F13A1: variants seen among roughly 807,000 people sequenced by gnomAD.
F13A1 encodes coagulation factor XIII A chain, also known as FSF, A subunit.
A neutral mutation model predicts 80.1 loss-of-function variants in F13A1; 47 were observed. The observed-to-expected ratio is 0.59, with a 90% CI of 0.46 to 0.75. The LOEUF (loss-of-function observed/expected upper bound fraction) is 0.75. Ranked by LOEUF, F13A1 falls within the 30% of genes least tolerant of loss-of-function variation. The probability of loss-of-function intolerance (pLI) is 0.00; values close to 1 mark genes in which losing one functional copy is unlikely to be tolerated. For missense variants in F13A1, 817 were observed against 930.4 expected, an observed-to-expected ratio of 0.88 and a Z score of 1.59; for synonymous variants, 349 against 344.9, an observed-to-expected ratio of 1.01 and a Z score of -0.13.
At chr6:6,291,252 T>A (rs575847010) in intron 3 of F13A1, among the ~76,000 whole-genome samples, 1 of 152,076 alleles carries the variant, frequency 6.6e-6, no homozygotes, top group East Asian at 1.9e-4. Flanking sequence ...CCCTCACCCG[T>A]GCCCCTGTCC....
intron 6 of F13A1, among the ~76,000 whole-genome samples, chr6:6,230,483 C>T (rs76282807): frequency 0.013 from 1,978 of 152,240 alleles, 50 homozygotes; most frequent in African/African-American, 0.045. Context: ...AGCCCAGCCC[C>T]CAGTTGATGG....
intron 6 of F13A1, among the ~76,000 whole-genome samples, chr6:6,247,434 C>T (rs1757568305): frequency 6.6e-6 from 1 of 152,110 alleles, no homozygotes; most frequent in Non-Finnish European, 1.5e-5. Context: ...ATAATCTACT[C>T]TTCAGCCAGA....
At chr6:6,185,282 C>G (rs1415040311) in intron 10 of F13A1, among the ~76,000 whole-genome samples, 1 of 110,472 alleles carries the variant, frequency 9.1e-6, no homozygotes, top group African/African-American at 3.5e-5. Context: ...CCTCCCCCCT[C>G]CCCCCACCCC....
chr6:6,262,700 C>G (rs77073009), intron 4 of F13A1, among the ~76,000 whole-genome samples: 8 of 149,486 alleles, frequency 5.4e-5, no homozygotes, highest in African/African-American at 2.0e-4. Context: ...TTGCTTTACA[C>G]TTCACTGACA....
chr6:6,313,741 A>T (rs896668505), intron 2 of F13A1, among the ~76,000 whole-genome samples: 7 of 152,196 alleles, frequency 4.6e-5, no homozygotes, highest in Non-Finnish European at 8.8e-5. Context: ...CCAGAATTTT[A>T]ACATGTCCTT....
intron 8 of F13A1, among the ~76,000 whole-genome samples, chr6:6,204,381 T>C (rs747296548): frequency 1.3e-5 from 2 of 152,232 alleles, no homozygotes; most frequent in Non-Finnish European, 2.9e-5. Flanking sequence ...CAACTTCAAC[T>C]GTAAACCAAG....
chr6:6,259,401 T>C (rs966204906), intron 4 of F13A1, among the ~76,000 whole-genome samples: 13 of 152,252 alleles, frequency 8.5e-5, no homozygotes, highest in African/African-American at 3.1e-4. Flanking sequence ...TTTATTTATT[T>C]GCTGTTAAAA....
chr6:6,199,272 G>A lies in F13A1; in HGVS notation c.1113-1946C>T, dbSNP rs62408013. Among the ~76,000 whole-genome samples the A allele has an allele frequency of 3.0e-4, 46 of 152,204 alleles. 2 individuals carry two copies. The highest frequency in any genetic ancestry group is 1.6e-3 in the Admixed American group (25 of 15,276). Reference sequence around the variant, plus strand: ...TGGGAGGCCGAGGCGGGCAGATCACGAGGTCAGGAGATCGAGACCATCCTG... The same window carrying A: ...TGGGAGGCCGAGGCGGGCAGATCACAAGGTCAGGAGATCGAGACCATCCTG... On this transcript the variant is annotated intron_variant, in intron 8 of 14. Coordinates refer to ENST00000264870, the MANE Select transcript of F13A1 (RefSeq NM_000129.4).
intron 3 of F13A1, among the ~76,000 whole-genome samples, chr6:6,288,315 C>G (rs892269599): frequency 1.1e-4 from 16 of 152,196 alleles, no homozygotes; most frequent in Non-Finnish European, 2.9e-5. Context: ...TCAACATCTT[C>G]TTTTTCCTCA....
At chr6:6,160,867 T>A (rs547404286) in intron 13 of F13A1, among the ~76,000 whole-genome samples, 2 of 147,396 alleles carry the variant, frequency 1.4e-5, no homozygotes, top group South Asian at 4.3e-4. Flanking sequence ...TTTTTTTTTT[T>A]GAAAAATTTG....
chr6:6,213,052 A>C (rs1347031683), intron 8 of F13A1, among the ~76,000 whole-genome samples: 1 of 152,240 alleles, frequency 6.6e-6, no homozygotes, highest in Non-Finnish European at 1.5e-5. Context: ...TCTACGTCTG[A>C]TTGGTGTACC....
At chr6:6,308,172 G>A (rs1674076) in intron 2 of F13A1, among the ~76,000 whole-genome samples, 51,413 of 151,658 alleles carry the variant, frequency 0.34, 8,870 homozygotes, top group East Asian at 0.5. Flanking sequence ...TCACCACCAT[G>A]CCCCGCTAAT....
At chr6:6,167,346 T>TTTG in intron 13 of F13A1, 112 bp downstream of exon 13, 1 of 824,360 alleles carries the variant, frequency 1.2e-6, no homozygotes, top group East Asian at 3.2e-5. Context: ...TTTTTTTTTT[T>TTTG]GAGCAGGACA....
At chr6:6,295,876 T>A (rs1237548334) in intron 3 of F13A1, among the ~76,000 whole-genome samples, 9 of 139,964 alleles carry the variant, frequency 6.4e-5, no homozygotes, top group African/African-American at 2.2e-4. Context: ...TTTATGGTTT[T>A]AGGTCTAACG....
chr6:6,244,664 C>T (rs964609056), intron 6 of F13A1, among the ~76,000 whole-genome samples: 3 of 152,160 alleles, frequency 2.0e-5, no homozygotes, highest in Non-Finnish European at 4.4e-5. Context: ...AGGGAGAGCA[C>T]TATTTTGAAG....
At chr6:6,320,510 G>A (rs1758760429) in intron 1 of F13A1, 77 bp downstream of exon 1, 66 of 377,680 alleles carry the variant, frequency 1.7e-4, no homozygotes, top group South Asian at 1.3e-3. Flanking sequence ...GCCGCTTGCT[G>A]GTTCAACCAG....
chr6:6,190,795 G>A (rs1761175265), intron 10 of F13A1, among the ~76,000 whole-genome samples: 1 of 152,152 alleles, frequency 6.6e-6, no homozygotes, highest in Non-Finnish European at 1.5e-5. Context: ...AAGCAAGCCT[G>A]GGCAATGGTG....
At chr6:6,315,191 G>A (rs887437921) in intron 2 of F13A1, among the ~76,000 whole-genome samples, 3 of 152,244 alleles carry the variant, frequency 2.0e-5, no homozygotes, top group Non-Finnish European at 4.4e-5. Flanking sequence ...TACATTTCCA[G>A]CTACACATAA....
At chr6:6,260,598 G>A (rs531664313) in intron 4 of F13A1, among the ~76,000 whole-genome samples, 5 of 152,262 alleles carry the variant, frequency 3.3e-5, no homozygotes, top group South Asian at 4.1e-4. Context: ...GTGTGTGTTG[G>A]GGGGAGCGGT....
Sources: gnomAD v4.1 joint callset for allele counts (sites outside exome capture counted in the v4.1 genomes callset) on GRCh38, gnomAD v4.1.1 for gene constraint, MANE v1.5 for transcripts, NCBI Gene and HGNC (gene_info 2026-07-23, HGNC 2026-07-21) for gene names.